Variants in STRADB observed in about 807,000 individuals in gnomAD.
STRADB encodes the protein STE20 related adaptor beta, also known as STE20-related kinase adapter protein beta.
A neutral mutation model predicts 52.1 loss-of-function variants in STRADB; 34 were observed. That is an observed-to-expected ratio of 0.65 (90% confidence interval 0.50 to 0.87). STRADB has a LOEUF of 0.87. STRADB is among the 40% of genes least tolerant of loss of function. The probability of loss-of-function intolerance (pLI) is 0.00; values close to 1 mark genes in which losing one functional copy is unlikely to be tolerated. For synonymous variants in STRADB, 133 were observed against 174.5 expected (o/e 0.76, Z 1.87); for missense variants, 340 against 483.9 (o/e 0.70, Z 2.79).
chr2:201,468,500 A>G (rs1357333803), intron 3 of STRADB, among the ~76,000 whole-genome samples: 3 of 152,102 alleles, frequency 2.0e-5, no homozygotes, highest in African/African-American at 7.2e-5. Flanking sequence ...CATAGTTGCA[A>G]ACTTCGTATC....
chr2:201,454,119 C>T (rs1482716235), intron 1 of STRADB, among the ~76,000 whole-genome samples: 1 of 152,156 alleles, frequency 6.6e-6, no homozygotes, highest in East Asian at 1.9e-4. Context: ...GCTCTGAACC[C>T]ACAAACTTAC....
chr2:201,472,548 A>G (rs1952406390), intron 4 of STRADB, among the ~76,000 whole-genome samples: 1 of 152,234 alleles, frequency 6.6e-6, no homozygotes, highest in South Asian at 2.1e-4. Context: ...ATGTGACAAA[A>G]ATCAGATTGG....
At chr2:201,468,085 C>CTTTTCTTT (rs1559465545) in intron 3 of STRADB, among the ~76,000 whole-genome samples, 2 of 71,036 alleles carry the variant, frequency 2.8e-5, no homozygotes, top group Non-Finnish European at 5.9e-5. Flanking sequence ...TTTTTTTTTT[C>CTTTTCTTT]TTTTTTTTTT....
chr2:201,468,979 A>G (rs1004142394), intron 3 of STRADB, among the ~76,000 whole-genome samples: 2 of 152,188 alleles, frequency 1.3e-5, no homozygotes, highest in African/African-American at 4.8e-5. Flanking sequence ...GTATAGTAGA[A>G]TTTCTTTTTA....
rs143483413 is a variant in STRADB, at chr2:201,466,114, G to A, written c.94-3839G>A. ...TCAATTTGGTGTTCCTGAAGGGTGA[G>A]GGAAGATTGCTGGAGGGTTCCATTC... On this transcript the variant is annotated intron_variant, in intron 3 of 11. Transcript: ENST00000194530. Among the ~76,000 whole-genome samples, 58 of 152,294 alleles carry A rather than the reference G, an allele frequency of 3.8e-4. 1 individual carries two copies. The East Asian group carries it at 0.01, about 27-fold the overall frequency.
intron 8 of STRADB, 26 bp from the exon 9 acceptor site, chr2:201,478,061 G>C: frequency 1.9e-6 from 3 of 1,570,976 alleles, no homozygotes; most frequent in Non-Finnish European, 2.6e-6. Context: ...TGCACTAAAA[G>C]ACTTCAAATT....
At chr2:201,470,140 G>C (rs960269282) in intron 4 of STRADB, 88 bp downstream of exon 4, 1 of 960,382 alleles carries the variant, frequency 1.0e-6, no homozygotes, top group East Asian at 2.6e-5. Context: ...GTGTTTTTCT[G>C]TTGTTACCTC....
Position 201,451,807 on chromosome 2 carries a change from C to G in STRADB, c.-227C>G, listed in dbSNP as rs1431530279. Reference sequence around the variant, plus strand: ...CACGGCCCCGGTCGCGGCCTCGCCGCCCTCCCGCGCCCCGCGCCGGGAGCG... The same window carrying G: ...CACGGCCCCGGTCGCGGCCTCGCCGGCCTCCCGCGCCCCGCGCCGGGAGCG... On this transcript the variant is annotated 5_prime_UTR_variant, in exon 1 of 12. Transcript: ENST00000194530. The G allele has an allele frequency of 6.6e-6, 1 of 152,118 alleles. No individual in the cohort carries two copies. Among genetic ancestry groups the G allele is most frequent in the South Asian group, 2.1e-4 (1 of 4,842 alleles). The allele number at this position is 152,118 out of a possible 1,614,324, so 9.4% of individuals were successfully genotyped here.
intron 10 of STRADB, 52 bp downstream of exon 10, chr2:201,478,653 TAGA>T (rs775574942): frequency 4.4e-6 from 7 of 1,575,806 alleles, no homozygotes; most frequent in Non-Finnish European, 6.0e-6. Flanking sequence ...TTACATTTTA[TAGA>T]AGCTTTGTAA....
At chr2:201,470,155 A>G (rs149593792) in intron 4 of STRADB, 103 bp downstream of exon 4, 3 of 784,632 alleles carry the variant, frequency 3.8e-6, no homozygotes, top group Non-Finnish European at 6.5e-6. Context: ...TACCTCCAGC[A>G]TAAAACTAGA....
chr2:201,452,359 A>C (rs1952058758), intron 1 of STRADB, among the ~76,000 whole-genome samples: 1 of 152,208 alleles, frequency 6.6e-6, no homozygotes, highest in Non-Finnish European at 1.5e-5. Flanking sequence ...AGTTCGCTGC[A>C]AAGTCCCCCA....
intron 5 of STRADB, 117 bp downstream of exon 5, chr2:201,473,193 A>T: frequency 1.1e-6 from 1 of 890,876 alleles, no homozygotes; most frequent in South Asian, 2.9e-5. Context: ...AATACAATAA[A>T]AAATAGTACA....
At chr2:201,470,563 C>T (rs949330291) in intron 4 of STRADB, among the ~76,000 whole-genome samples, 10 of 152,136 alleles carry the variant, frequency 6.6e-5, no homozygotes, top group Non-Finnish European at 1.0e-4. Context: ...CACTACACAC[C>T]GGTGATTGTG....
In STRADB at chr2:201,469,976, G is replaced by A. The variant is rs1952364338; in HGVS notation, c.117G>A (p.Trp39Ter). ...AGGTTGATGAGCCAACCCTTTCCTG[G>A]TCACGTCCATCCACTAGAGCCAGTG... ...QYLVDEPTLS[W>*]SRPSTRASEV... is the part of the protein sequence containing the mutation. The change falls in exon 4 of 12, where the codon TGG (tryptophan) becomes TGA (stop). Residue 39 changes from tryptophan to a stop codon, truncating the protein, a stop_gained. Coordinates refer to ENST00000194530, the MANE Select transcript of STRADB (RefSeq NM_018571.6). LOFTEE classifies it high-confidence loss of function. 6.2e-7 allele frequency: 1 copy of A among 1,613,512 alleles called. No homozygotes were observed. The highest frequency in any genetic ancestry group is 1.3e-5 in the African/African-American group (1 of 74,864).
intron 3 of STRADB, among the ~76,000 whole-genome samples, chr2:201,463,363 A>C (rs1952247862): frequency 6.7e-6 from 1 of 148,748 alleles, no homozygotes; most frequent in Admixed American, 6.7e-5. Flanking sequence ...TTCCTTCAGC[A>C]CTTTAAATAT....
chr2:201,471,508 T>C (rs1279169300), intron 4 of STRADB, among the ~76,000 whole-genome samples: 1 of 152,222 alleles, frequency 6.6e-6, no homozygotes, highest in Non-Finnish European at 1.5e-5. Flanking sequence ...CTGAACATTA[T>C]GTATTTTTTT....
intron 3 of STRADB, among the ~76,000 whole-genome samples, chr2:201,463,925 T>A (rs574218728): frequency 6.6e-6 from 1 of 152,258 alleles, no homozygotes; most frequent in Admixed American, 6.5e-5. Context: ...GCTTGATTTT[T>A]AAAAAATTAT....
chr2:201,458,043 T>G (rs1952154229), intron 2 of STRADB, among the ~76,000 whole-genome samples: 1 of 152,026 alleles, frequency 6.6e-6, no homozygotes, highest in Admixed American at 6.6e-5. Flanking sequence ...AAGAAAGAAA[T>G]TTTTTCAAAT....
At chr2:201,471,723 T>G (rs1451992643) in intron 4 of STRADB, among the ~76,000 whole-genome samples, 1 of 152,152 alleles carries the variant, frequency 6.6e-6, no homozygotes, top group Non-Finnish European at 1.5e-5. Context: ...CAACCAGAAG[T>G]GTCATCTTCA....
Sources: allele counts gnomAD v4.1 joint callset (sites outside exome capture counted in the v4.1 genomes callset), GRCh38; gene constraint gnomAD v4.1.1; transcripts MANE v1.5; gene names NCBI Gene and HGNC (gene_info 2026-07-23, HGNC 2026-07-21).